Variants in TBC1D12 observed in about 807,000 individuals in gnomAD.
TBC1D12 encodes TBC1 domain family member 12.
TBC1D12 carries 56 observed loss-of-function variants against 86.7 expected under a neutral mutation model. The observed-to-expected ratio is 0.65, with a 90% CI of 0.52 to 0.81. The LOEUF (loss-of-function observed/expected upper bound fraction) is 0.81. Among genes scored for constraint, TBC1D12 ranks in the 30% least tolerant of loss-of-function variants. The probability of loss-of-function intolerance (pLI) is 0.00; values close to 1 mark genes in which losing one functional copy is unlikely to be tolerated. For synonymous variants in TBC1D12, 421 were observed against 411.7 expected, an observed-to-expected ratio of 1.02 and a Z score of -0.27; for missense variants, 1,023 against 1,038.8, an observed-to-expected ratio of 0.98 and a Z score of 0.21.
chr10:94,488,974 G>C (rs1589653274), intron 3 of TBC1D12, among the ~76,000 whole-genome samples: 1 of 152,160 alleles, frequency 6.6e-6, no homozygotes, highest in Non-Finnish European at 1.5e-5. Flanking sequence ...GGGATTGAGA[G>C]GGGAGTGGCG....
Position 94,531,417 on chromosome 10 carries a change from T to C in TBC1D12, c.2216T>C (p.Ile739Thr). Residue 739 changes from isoleucine (I) to threonine (T), a missense_variant, in exon 12 of 13, where the codon ATT becomes ACT. Ile to Thr is a moderately conservative substitution (Grantham distance 89). Transcript: ENST00000225235. Reference protein sequence around the residue: ...DITSEKLFSCIAAIQMQNSTK... With the variant: ...DITSEKLFSCTAAIQMQNSTK... ...ACATCGGAAAAGCTGTTCAGTTGTA[T>C]TGCAGCCATTCAGATGCAGAATAGC... 6.2e-7 allele frequency: 1 copy of C among 1,614,076 alleles called. No homozygotes were observed. The highest frequency in any genetic ancestry group is 8.5e-7 in the Non-Finnish European group (1 of 1,180,000).
intron 3 of TBC1D12, among the ~76,000 whole-genome samples, chr10:94,475,594 C>A (rs1245237232): frequency 6.6e-6 from 1 of 152,078 alleles, no homozygotes; most frequent in African/African-American, 2.4e-5. Context: ...ACATACCTGG[C>A]TAATTTTTTG....
intron 1 of TBC1D12, among the ~76,000 whole-genome samples, chr10:94,440,805 C>A (rs2055369897): frequency 1.3e-5 from 2 of 152,106 alleles, no homozygotes; most frequent in Non-Finnish European, 2.9e-5. Context: ...ATCATCCCTG[C>A]TTACATAAAA....
intron 2 of TBC1D12, among the ~76,000 whole-genome samples, chr10:94,465,613 T>C (rs1278747711): frequency 6.8e-6 from 1 of 147,890 alleles, no homozygotes; most frequent in Non-Finnish European, 1.5e-5. Context: ...GCCACTGCAC[T>C]CCAGCCTGGG....
At chr10:94,464,148 T>G (rs2055772038) in intron 2 of TBC1D12, among the ~76,000 whole-genome samples, 1 of 152,184 alleles carries the variant, frequency 6.6e-6, no homozygotes. Flanking sequence ...ATATTTAAAG[T>G]GGGTTTCTTA....
chr10:94,517,875 G>C (rs948958928), intron 9 of TBC1D12, among the ~76,000 whole-genome samples: 8 of 152,190 alleles, frequency 5.3e-5, no homozygotes, highest in African/African-American at 1.9e-4. Flanking sequence ...ACCACAGGCT[G>C]GGTGCGGTGG....
chr10:94,521,454 A>G (rs1156243832), intron 9 of TBC1D12, among the ~76,000 whole-genome samples: 1 of 151,498 alleles, frequency 6.6e-6, no homozygotes, highest in Non-Finnish European at 1.5e-5. Flanking sequence ...GTTTTTTCCT[A>G]TTTCTGTCTC....
chr10:94,422,151 T>A lies in TBC1D12; in HGVS notation c.971+18567T>A, dbSNP rs138983557. ...GGAAAGTATAGAATGTATTGAAGAG[T>A]ACAGAGTTTAGCTGATATCTTAGGG... On this transcript the variant is annotated intron_variant, in intron 1 of 12. Transcript: ENST00000225235. 3.1e-3 allele frequency among the ~76,000 whole-genome samples: 472 copies of A among 151,408 alleles called. 2 individuals are homozygous for A. The highest frequency in any genetic ancestry group is 0.011 in the African/African-American group (455 of 41,258).
intron 2 of TBC1D12, among the ~76,000 whole-genome samples, chr10:94,453,992 A>G (rs1052921600): frequency 6.6e-6 from 1 of 152,152 alleles, no homozygotes; most frequent in African/African-American, 2.4e-5. Context: ...TCTTTCACCA[A>G]TGCCACACTG....
chr10:94,433,611 A>T (rs193064438), intron 1 of TBC1D12, among the ~76,000 whole-genome samples: 1 of 152,346 alleles, frequency 6.6e-6, no homozygotes, highest in East Asian at 1.9e-4. Context: ...CTATAGAGAC[A>T]TAAATACCCC....
chr10:94,520,311 G>A (rs1294163007), intron 9 of TBC1D12, among the ~76,000 whole-genome samples: 1 of 152,034 alleles, frequency 6.6e-6, no homozygotes, highest in Admixed American at 6.5e-5. Context: ...CCAGCACTTT[G>A]GGAGGCCGAG....
intron 3 of TBC1D12, among the ~76,000 whole-genome samples, chr10:94,475,488 T>C (rs1053553902): frequency 1.3e-5 from 2 of 152,206 alleles, no homozygotes; most frequent in Non-Finnish European, 2.9e-5. Flanking sequence ...TGGAGTGTAA[T>C]GGTGCGATCT....
Position 94,535,365 on chromosome 10 carries a change from T to C in TBC1D12, c.*2269T>C, listed in dbSNP as rs1376791425. On this transcript the variant is annotated 3_prime_UTR_variant, in exon 13 of 13. Coordinates refer to ENST00000225235, the MANE Select transcript of TBC1D12 (RefSeq NM_015188.2). ...TACAGTGTGTTTTTATGTTGCAGTT[T>C]AGTTTGAAACAACACTTAAGCACAC... is the stretch of plus-strand genomic sequence containing the variant. 4 of 152,220 alleles carry C rather than the reference T, an allele frequency of 2.6e-5. No individual in the cohort carries two copies. Among genetic ancestry groups the C allele is most frequent in the African/African-American group, 9.7e-5 (4 of 41,448 alleles). The allele number at this position is 152,220 out of a possible 1,614,324, so 9.4% of individuals were successfully genotyped here.
intron 6 of TBC1D12, among the ~76,000 whole-genome samples, chr10:94,504,837 A>G (rs1270902552): frequency 6.6e-6 from 1 of 152,226 alleles, no homozygotes; most frequent in Non-Finnish European, 1.5e-5. Context: ...ACAAAATCAG[A>G]AAGCAAAATA....
At chr10:94,467,763 T>C (rs1156245501) in intron 2 of TBC1D12, among the ~76,000 whole-genome samples, 1 of 152,226 alleles carries the variant, frequency 6.6e-6, no homozygotes, top group Non-Finnish European at 1.5e-5. Context: ...ACAGGGTCTC[T>C]ATTGCCCAGG....
intron 1 of TBC1D12, among the ~76,000 whole-genome samples, chr10:94,435,896 C>T (rs761756186): frequency 1.3e-5 from 2 of 152,110 alleles, no homozygotes; most frequent in African/African-American, 2.4e-5. Flanking sequence ...CATTGCTAGC[C>T]GGAGGTCCCG....
chr10:94,465,755 TATAC>T (rs1364838378), intron 2 of TBC1D12, among the ~76,000 whole-genome samples: 23 of 150,900 alleles, frequency 1.5e-4, no homozygotes, highest in East Asian at 5.8e-4. Context: ...CATACATATG[TATAC>T]ATACATACGT....
In TBC1D12 at chr10:94,533,419, T is replaced by G; in HGVS notation, c.*323T>G. On this transcript the variant is annotated 3_prime_UTR_variant, in exon 13 of 13. Coordinates refer to ENST00000225235, the MANE Select transcript of TBC1D12 (RefSeq NM_015188.2). ...GAAGATACTTCAAATTTTTACATCT[T>G]TTCTTTTGTAACAGTTACCACAAAG... 1 of 212,944 alleles carries G rather than the reference T, an allele frequency of 4.7e-6. No individual in the cohort carries two copies. 13.2% of individuals were successfully genotyped at this position (212,944 alleles called of 1,614,324 possible). A position where few individuals can be genotyped will look rare whatever the true frequency, so the allele number is the denominator to read the frequency against.
chr10:94,504,900 C>A (rs1436677150), intron 6 of TBC1D12, among the ~76,000 whole-genome samples: 1 of 152,138 alleles, frequency 6.6e-6, no homozygotes, highest in African/African-American at 2.4e-5. Flanking sequence ...ATCTTTAAGC[C>A]TGCTTCAAAC....
Sources: gnomAD v4.1 joint callset for allele counts (sites outside exome capture counted in the v4.1 genomes callset) on GRCh38, gnomAD v4.1.1 for gene constraint, MANE v1.5 for transcripts, NCBI Gene and HGNC (gene_info 2026-07-23, HGNC 2026-07-21) for gene names.